ITGA6: variants seen among roughly 807,000 people sequenced by gnomAD.
The protein encoded by ITGA6 is integrin alpha-6.
ITGA6 carries 63 observed loss-of-function variants against 133.6 expected under a neutral mutation model. The ratio of observed to expected loss-of-function variants is 0.47; its 90% CI spans 0.38 to 0.58. The LOEUF is 0.58. Among genes scored for constraint, ITGA6 ranks in the 20% least tolerant of loss-of-function variants. The probability of loss-of-function intolerance (pLI) is 0.00; values close to 1 mark genes in which losing one functional copy is unlikely to be tolerated. For synonymous variants in ITGA6, 434 were observed against 482.0 expected, an observed-to-expected ratio of 0.90 and a Z score of 1.30; for missense variants, 1,068 against 1,309.4, an observed-to-expected ratio of 0.82 and a Z score of 2.85.
In ITGA6 at chr2:172,427,947, A is replaced by C; in HGVS notation, c.159A>C (p.Gln53His). The change falls in exon 1 of 26, where the codon CAA becomes CAC. Residue 53 changes from glutamine (Q) to histidine (H), a missense_variant. By Grantham distance (24) the Gln-to-His change is conservative. Transcript: ENST00000684293. ...GCTTCTCGCTGGCCATGCACTGGCA[A>C]CTGCAGCCCGAGGACAAGCGGCTGT... Reference protein sequence around the residue: ...LFGFSLAMHWQLQPEDKRLLL... With the variant: ...LFGFSLAMHWHLQPEDKRLLL... 2 of 1,605,804 alleles carry C rather than the reference A, an allele frequency of 1.2e-6. No individual in the cohort carries two copies. Among genetic ancestry groups the C allele is most frequent in the Non-Finnish European group, 1.7e-6 (2 of 1,176,672 alleles).
At chr2:172,479,572 A>AG (rs1686336516) in intron 9 of ITGA6, 69 bp from the exon 10 acceptor site, 1 of 1,228,464 alleles carries the variant, frequency 8.1e-7, no homozygotes, top group African/African-American at 1.5e-5. Context: ...GATGCTCTCT[A>AG]GTATGTGAAT....
intron 1 of ITGA6, among the ~76,000 whole-genome samples, chr2:172,460,418 C>G (rs1685384852): frequency 6.6e-6 from 1 of 152,200 alleles, no homozygotes; most frequent in Admixed American, 6.5e-5. Flanking sequence ...ATCTTTAAAA[C>G]TCAGAGTAGC....
intron 1 of ITGA6, among the ~76,000 whole-genome samples, chr2:172,463,288 A>G (rs1685508903): frequency 6.6e-6 from 1 of 152,190 alleles, no homozygotes; most frequent in Non-Finnish European, 1.5e-5. Context: ...GGAAGTGGTT[A>G]GGAAGACACA....
chr2:172,444,887 A>G (rs1684693923), intron 1 of ITGA6, among the ~76,000 whole-genome samples: 1 of 151,962 alleles, frequency 6.6e-6, no homozygotes, highest in African/African-American at 2.4e-5. Context: ...GTCCCTAAAT[A>G]TTCTTAAATC....
chr2:172,455,473 T>C (rs1373133365), intron 1 of ITGA6, among the ~76,000 whole-genome samples: 2 of 152,164 alleles, frequency 1.3e-5, no homozygotes, highest in African/African-American at 2.4e-5. Context: ...CCCTGCCCCA[T>C]GGAGAAGGGC....
intron 3 of ITGA6, 89 bp from the exon 4 acceptor site, chr2:172,469,036 C>T (rs992155067): frequency 1.1e-5 from 15 of 1,365,606 alleles, no homozygotes; most frequent in Non-Finnish European, 4.2e-6. Context: ...TTAGAATTAA[C>T]CTCTGTATTG....
chr2:172,490,409 T>C (rs924617270), intron 20 of ITGA6, among the ~76,000 whole-genome samples: 2 of 152,242 alleles, frequency 1.3e-5, no homozygotes, highest in African/African-American at 4.8e-5. Flanking sequence ...TTTATTTCTT[T>C]TATTTTAAAT....
chr2:172,454,445 G>A (rs1685135495), intron 1 of ITGA6, among the ~76,000 whole-genome samples: 1 of 152,120 alleles, frequency 6.6e-6, no homozygotes, highest in African/African-American at 2.4e-5. Flanking sequence ...GGTTGGAGGG[G>A]TGTGAAAGAA....
intron 13 of ITGA6, among the ~76,000 whole-genome samples, chr2:172,486,339 A>G (rs1351479325): frequency 6.6e-6 from 1 of 152,134 alleles, no homozygotes; most frequent in Non-Finnish European, 1.5e-5. Context: ...TTGTCACCAA[A>G]TATAGTTCCT....
intron 4 of ITGA6, among the ~76,000 whole-genome samples, chr2:172,470,240 T>A (rs867272254): frequency 1.8e-4 from 28 of 152,298 alleles, no homozygotes; most frequent in African/African-American, 6.7e-4. Context: ...TCAAGGGTAA[T>A]TTCCCTTTGC....
intron 1 of ITGA6, among the ~76,000 whole-genome samples, chr2:172,454,696 T>G (rs577705239): frequency 3.9e-5 from 6 of 152,294 alleles, no homozygotes; most frequent in Non-Finnish European, 8.8e-5. Flanking sequence ...TTAGGTTAAA[T>G]GGCAAAGGGG....
At chr2:172,489,168 C>T (rs1574403651) in intron 19 of ITGA6, among the ~76,000 whole-genome samples, 1 of 152,198 alleles carries the variant, frequency 6.6e-6, no homozygotes, top group East Asian at 1.9e-4. Context: ...GGGCAGTTCA[C>T]AAATTCACAC....
intron 1 of ITGA6, among the ~76,000 whole-genome samples, chr2:172,430,754 TAAAG>T (rs1477755087): frequency 6.6e-6 from 1 of 152,192 alleles, no homozygotes; most frequent in African/African-American, 2.4e-5. Context: ...GGCTGTATAT[TAAAG>T]AAGTTTCGGA....
At chr2:172,464,145 A>T (rs915338266) in intron 1 of ITGA6, 1 of 152,242 alleles carries the variant, frequency 6.6e-6, no homozygotes, top group African/African-American at 2.4e-5. Flanking sequence ...GTTATCCATG[A>T]GCCACCCCTC....
intron 3 of ITGA6, 148 bp from the exon 4 acceptor site, chr2:172,468,977 G>T (rs898550615): frequency 1.1e-5 from 9 of 796,104 alleles, no homozygotes; most frequent in African/African-American, 1.7e-5. Context: ...GGGAATATTT[G>T]CTGGTCTGGG....
chr2:172,489,808 G>T, intron 20 of ITGA6, 150 bp downstream of exon 20: 1 of 745,542 alleles, frequency 1.3e-6, no homozygotes. Context: ...TTCTAGTTGG[G>T]TAACTGAGGG....
At chr2:172,497,563 C>CAG (rs1213403754) in intron 23 of ITGA6, among the ~76,000 whole-genome samples, 2 of 149,414 alleles carry the variant, frequency 1.3e-5, no homozygotes, top group Non-Finnish European at 3.0e-5. Context: ...ATAGATAGAA[C>CAG]AGACTGGCTG....
intron 13 of ITGA6, among the ~76,000 whole-genome samples, chr2:172,485,661 T>TC (rs1317051923): frequency 3.3e-5 from 5 of 152,092 alleles, no homozygotes; most frequent in African/African-American, 1.2e-4. Context: ...TCAAGGAATA[T>TC]CAAAATTCAG....
chr2:172,428,003 G>A, intron 1 of ITGA6, 33 bp downstream of exon 1: 1 of 1,578,574 alleles, frequency 6.3e-7, no homozygotes, highest in Non-Finnish European at 8.6e-7. Context: ...CCCCCACTGG[G>A]GCGCCGGCCT....
Sources: allele counts gnomAD v4.1 joint callset (sites outside exome capture counted in the v4.1 genomes callset), GRCh38; gene constraint gnomAD v4.1.1; transcripts MANE v1.5; gene names NCBI Gene and HGNC (gene_info 2026-07-23, HGNC 2026-07-21).